PPIE: variants seen among roughly 807,000 people sequenced by gnomAD.
The protein encoded by PPIE is peptidyl-prolyl cis-trans isomerase E.
A neutral mutation model predicts 38.4 loss-of-function variants in PPIE; 20 were observed. The observed-to-expected ratio is 0.52, with a 90% confidence interval of 0.37 to 0.76. PPIE has a LOEUF of 0.76. Ranked by LOEUF, PPIE falls within the 30% of genes least tolerant of loss-of-function variation. The pLI is 0.00. For missense variants in PPIE, 322 were observed against 385.8 expected (o/e 0.83, Z 1.39); for synonymous variants, 142 against 135.7 (o/e 1.05, Z -0.32).
At chr1:39,743,135 T>G in intron 4 of PPIE, 81 bp from the exon 5 acceptor site, 1 of 1,217,126 alleles carries the variant, frequency 8.2e-7, no homozygotes, top group East Asian at 2.4e-5. Flanking sequence ...ATCATGAGTG[T>G]GTCTCAGAAG....
downstream of PPIE, chr1:39,760,353 T>A: frequency 6.3e-7 from 1 of 1,599,260 alleles, no homozygotes; most frequent in Non-Finnish European, 8.5e-7. Context: ...GGTTTGAGGG[T>A]TTCCTGCTTC....
chr1:39,753,929 GCTC>G lies in PPIE; in HGVS notation c.*577_*579del, dbSNP rs778148733. On this transcript the variant is annotated 3_prime_UTR_variant, in exon 10 of 10. Coordinates refer to ENST00000324379, the MANE Select transcript of PPIE (RefSeq NM_006112.4). ...AAAGCTCCGGTCTTCTGCTGCCTCT[GCTC>G]CTAAACCCAGCTGCCGGCCTTACAG... 6.4e-4 allele frequency: 633 copies of G among 985,260 alleles called. 1 individual carries two copies. Among genetic ancestry groups the G allele is most frequent in the Non-Finnish European group, 7.0e-4 (582 of 829,938 alleles). The allele number at this position is 985,260 out of a possible 1,614,324, so 61.0% of individuals were successfully genotyped here.
intron 1 of PPIE, 106 bp from the exon 2 acceptor site, chr1:39,740,059 C>G: frequency 1.3e-6 from 1 of 759,590 alleles, no homozygotes; most frequent in Non-Finnish European, 2.2e-6. Flanking sequence ...ACCCAAAGAA[C>G]TGAATGGAAG....
intron 9 of PPIE, chr1:39,762,682 C>T: frequency 6.6e-7 from 1 of 1,504,006 alleles, no homozygotes; most frequent in East Asian, 2.5e-5. Flanking sequence ...ACCCCACACA[C>T]TGTGCACACA....
Position 39,743,224 on chromosome 1 carries a change from T to G in PPIE, c.210T>G (p.Ser70=), listed in dbSNP as rs1180026604. 6.2e-7 allele frequency: 1 copy of G among 1,614,140 alleles called. No individual in the cohort carries two copies. The highest frequency in any genetic ancestry group is 8.5e-7 in the Non-Finnish European group (1 of 1,179,960). ...ATTTTCAATCTTTTCAGAATGAATC[T>G]GAGCTTTTTGGACGTACAATTCGTG... The part of the protein sequence containing the change: ...AAAAIDNMNE[S]ELFGRTIRVN... The change falls in exon 5 of 10, where the codon TCT becomes TCG. Residue 70 remains serine (S), a synonymous_variant. Coordinates refer to ENST00000324379, the MANE Select transcript of PPIE (RefSeq NM_006112.4).
rs1037041028 is a variant in PPIE, at chr1:39,762,902, G to A, written c.838-787G>A. Among the ~76,000 whole-genome samples, 8 of 152,236 alleles carry A rather than the reference G, an allele frequency of 5.3e-5. No individual in the cohort carries two copies. In the East Asian group the frequency reaches 5.8e-4, roughly 11 times the overall value. On this transcript the variant is annotated intron_variant, in intron 9 of 9. Transcript: ENST00000356511. Reference sequence around the variant, plus strand: ...TGTCCGTGTTTGGGTGCGAGTCTACGTGTAGTGTGGCTGTATAAGGACCAG... The same window carrying A: ...TGTCCGTGTTTGGGTGCGAGTCTACATGTAGTGTGGCTGTATAAGGACCAG...
chr1:39,753,488 G>A lies in PPIE; in HGVS notation c.*133G>A. 6.8e-7 allele frequency: 1 copy of A among 1,471,984 alleles called. No individual in the cohort carries two copies. Among genetic ancestry groups the A allele is most frequent in the Non-Finnish European group, 9.0e-7 (1 of 1,113,270 alleles). The allele number at this position is 1,471,984 out of a possible 1,614,324, so 91.2% of individuals were successfully genotyped here. ...CATTTGGGATATGTGCCCTTCCTCA[G>A]GGTCTGCTTGGAGCAGCTCCTCTGC... is the stretch of plus-strand genomic sequence containing the variant. On this transcript the variant is annotated 3_prime_UTR_variant, in exon 10 of 10. Transcript: ENST00000324379.
chr1:39,760,818 TA>T (rs1394350460), downstream of PPIE, among the ~76,000 whole-genome samples: 9 of 152,108 alleles, frequency 5.9e-5, no homozygotes, highest in Admixed American at 5.2e-4. Context: ...GGCAAGGCGC[TA>T]ATGAGGGGCC....
chr1:39,753,831 G>A lies in PPIE; in HGVS notation c.*476G>A, dbSNP rs960730302. 3 of 991,486 alleles carry A rather than the reference G, an allele frequency of 3.0e-6. No individual in the cohort carries two copies. Among genetic ancestry groups the A allele is most frequent in the South Asian group, 4.6e-5 (1 of 21,804 alleles). The allele number at this position is 991,486 out of a possible 1,614,324, so 61.4% of individuals were successfully genotyped here. A position where few individuals can be genotyped will look rare whatever the true frequency, so the allele number is the denominator to read the frequency against. ...CAGCTTTCATTTCCTCCCTTGGGCC[G>A]ATCCCCTTAGATGTCAGGTGATGTA... On this transcript the variant is annotated 3_prime_UTR_variant, in exon 10 of 10. Transcript: ENST00000324379.
intron 3 of PPIE, chr1:39,741,628 A>G: frequency 1.6e-6 from 1 of 629,152 alleles, no homozygotes; most frequent in Non-Finnish European, 2.8e-6. Flanking sequence ...CTTGCCCTGC[A>G]GAGGAGCTAG....
At chr1:39,741,854 G>A (rs1189134806) in intron 3 of PPIE, 41 bp from the exon 4 acceptor site, 1 of 1,613,382 alleles carries the variant, frequency 6.2e-7, no homozygotes, top group Admixed American at 1.7e-5. Context: ...AGAAGCATTT[G>A]GCTGCAAGCC....
chr1:39,754,131 G>A lies in PPIE; in HGVS notation c.*776G>A. 1.1e-6 allele frequency: 1 copy of A among 926,466 alleles called. No individual in the cohort carries two copies. The highest frequency in any genetic ancestry group is 1.3e-6 in the Non-Finnish European group (1 of 776,426). 57.4% of individuals were successfully genotyped at this position (926,466 alleles called of 1,614,324 possible). A position where few individuals can be genotyped will look rare whatever the true frequency, so the allele number is the denominator to read the frequency against. On this transcript the variant is annotated 3_prime_UTR_variant, in exon 10 of 10. Coordinates refer to ENST00000324379, the MANE Select transcript of PPIE (RefSeq NM_006112.4). ...ATGTGCCTAATCCAGCCCACTGCCTGTTTTTATGAATCAGGTTTTATTGGA... is the reference window on the plus strand; with the variant it reads ...ATGTGCCTAATCCAGCCCACTGCCTATTTTTATGAATCAGGTTTTATTGGA...
At chr1:39,751,790 A>G (rs1432125109) in intron 8 of PPIE, among the ~76,000 whole-genome samples, 2 of 152,190 alleles carry the variant, frequency 1.3e-5, no homozygotes, top group Non-Finnish European at 2.9e-5. Flanking sequence ...TCAGACAGTC[A>G]AAAACACTTT....
intron 9 of PPIE, chr1:39,762,564 C>T: frequency 1.3e-6 from 2 of 1,550,352 alleles, no homozygotes; most frequent in Non-Finnish European, 1.7e-6. Flanking sequence ...CCAGAAAAAA[C>T]AAAGATGGCC....
rs1271405535 is a variant in PPIE at position 39,741,880 on chromosome 1, G to A, written c.175-15G>A. 1 of 1,614,090 alleles carries A rather than the reference G, an allele frequency of 6.2e-7. No individual in the cohort carries two copies. The highest frequency in any genetic ancestry group is 1.3e-5 in the African/African-American group (1 of 74,952). On this transcript the variant is annotated splice_polypyrimidine_tract_variant and intron_variant, in intron 3 of 9. Coordinates refer to ENST00000324379, the MANE Select transcript of PPIE (RefSeq NM_006112.4). ...GCTGCAAGCCTAAACTTGTACCTTT[G>A]TCTTTCCTTGGCAGGATGCTGCAGC...
At chr1:39,751,059 C>T (rs977179913) in intron 8 of PPIE, among the ~76,000 whole-genome samples, 1 of 152,252 alleles carries the variant, frequency 6.6e-6, no homozygotes, top group Non-Finnish European at 1.5e-5. Flanking sequence ...GCGTCTGCCC[C>T]TGTACTCAAA....
At chr1:39,739,007 C>A in intron 1 of PPIE, 76 bp downstream of exon 1, 2 of 1,352,074 alleles carry the variant, frequency 1.5e-6, no homozygotes, top group African/African-American at 3.0e-5. Context: ...TGGGACGCAT[C>A]TCTGAACCAG....
chr1:39,743,112 T>G, intron 4 of PPIE, 104 bp from the exon 5 acceptor site: 1 of 1,014,140 alleles, frequency 9.9e-7, no homozygotes, highest in South Asian at 1.4e-5. Context: ...GCCCAGGGAT[T>G]AAGGGAGGAC....
At chr1:39,758,688 G>A (rs1340935245), downstream of PPIE, 2 of 152,298 alleles carry the variant, frequency 1.3e-5, no homozygotes, top group Admixed American at 1.3e-4. Flanking sequence ...TGGAGGCGCA[G>A]ATAAGGAAGC....
Sources: allele counts gnomAD v4.1 joint callset (sites outside exome capture counted in the v4.1 genomes callset), GRCh38; gene constraint gnomAD v4.1.1; transcripts MANE v1.5; gene names NCBI Gene and HGNC (gene_info 2026-07-23, HGNC 2026-07-21).